The following PIGN variants were observed in gnomAD, a reference collection of about 807,000 sequenced individuals.
The protein encoded by PIGN is phosphatidylinositol glycan anchor biosynthesis class N.
PIGN carries 117 observed loss-of-function variants against 125.4 expected under a neutral mutation model. That is an observed-to-expected ratio of 0.93 (90% confidence interval 0.80 to 1.09). The LOEUF (loss-of-function observed/expected upper bound fraction) is 1.09. Among genes scored for constraint, PIGN ranks in the 50% least tolerant of loss-of-function variants. PIGN has a pLI of 0.00. For missense variants in PIGN, 1,075 were observed against 1,094.9 expected, an observed-to-expected ratio of 0.98 and a Z score of 0.26; for synonymous variants, 392 against 377.8, an observed-to-expected ratio of 1.04 and a Z score of -0.44.
At chr18:62,151,817 C>T (rs987667126) in intron 7 of PIGN, among the ~76,000 whole-genome samples, 4 of 152,128 alleles carry the variant, frequency 2.6e-5, no homozygotes, top group South Asian at 2.1e-4. Context: ...GATTTGTTGC[C>T]GGTAATTCAG....
chr18:62,064,089 A>T (rs1048810956), intron 30 of PIGN, among the ~76,000 whole-genome samples: 60 of 152,308 alleles, frequency 3.9e-4, no homozygotes, highest in African/African-American at 1.3e-3. Context: ...AAACAAACAA[A>T]AAAAGAAATT....
At chr18:62,112,806 G>C in intron 16 of PIGN, 1 of 316,322 alleles carries the variant, frequency 3.2e-6, no homozygotes, top group Non-Finnish European at 5.7e-6. Flanking sequence ...CTGACCAGTT[G>C]TACTAGAAAG....
At chr18:62,161,059 GTA>G (rs1260611688) in intron 4 of PIGN, 72 bp downstream of exon 4, 1 of 923,652 alleles carries the variant, frequency 1.1e-6, no homozygotes, top group African/African-American at 1.6e-5. Flanking sequence ...ATGATAAATA[GTA>G]AGATATTTTG....
At chr18:62,103,677 G>A (rs1217710060) in intron 20 of PIGN, 1 of 152,154 alleles carries the variant, frequency 6.6e-6, no homozygotes, top group Non-Finnish European at 1.5e-5. Flanking sequence ...AAAGGAATTG[G>A]TTGAAGAGAA....
chr18:62,131,161 A>G (rs2035722304), intron 14 of PIGN, among the ~76,000 whole-genome samples: 1 of 152,180 alleles, frequency 6.6e-6, no homozygotes, highest in African/African-American at 2.4e-5. Flanking sequence ...AACAAATTTT[A>G]TAAGAGAAAC....
intron 29 of PIGN, 30 bp from the exon 30 acceptor site, chr18:62,072,755 A>C: frequency 6.6e-7 from 1 of 1,513,546 alleles, no homozygotes; most frequent in Non-Finnish European, 9.0e-7. Flanking sequence ...CTTAATGAAA[A>C]ACAAAGCTAT....
chr18:62,111,201 T>C (rs925496293), intron 16 of PIGN, among the ~76,000 whole-genome samples: 1 of 152,044 alleles, frequency 6.6e-6, no homozygotes. Context: ...AATCCCTCCA[T>C]CTATATTATG....
At chr18:62,047,179 T>TAGGC (rs1354727966) in intron 30 of PIGN, among the ~76,000 whole-genome samples, 3 of 152,372 alleles carry the variant, frequency 2.0e-5, no homozygotes, top group Non-Finnish European at 2.9e-5. Flanking sequence ...TATTCCAGCA[T>TAGGC]AGGCTGAGTG....
intron 22 of PIGN, 84 bp downstream of exon 22, chr18:62,100,991 A>T: frequency 9.4e-6 from 7 of 740,788 alleles, no homozygotes; most frequent in Admixed American, 2.3e-5. Context: ...TTCTTTCAAT[A>T]ACAATGATAC....
chr18:62,162,310 T>G lies in PIGN; in HGVS notation c.-90A>C, dbSNP rs935644427. 2 of 152,088 alleles carry G rather than the reference T, an allele frequency of 1.3e-5. No individual in the cohort carries two copies. The highest frequency in any genetic ancestry group is 4.8e-5 in the African/African-American group (2 of 41,424). The allele number at this position is 152,088 out of a possible 1,614,324, so 9.4% of individuals were successfully genotyped here. On this transcript the variant is annotated 5_prime_UTR_variant, in exon 3 of 31. Transcript: ENST00000640252. The stretch of plus-strand genomic sequence containing the variant: ...AGTACTTTCCAAGCCAGTGTGTAAT[T>G]TGCTATTGTTGGTGAATCTCTGCAG...
intron 21 of PIGN, among the ~76,000 whole-genome samples, chr18:62,101,981 A>G (rs912766900): frequency 1.8e-4 from 27 of 151,980 alleles, no homozygotes; most frequent in Non-Finnish European, 4.4e-5. Context: ...TAATCCCAGG[A>G]CTTTGGGAGG....
chr18:62,071,868 A>ATATATATATATATATG (rs1568142151), intron 30 of PIGN, among the ~76,000 whole-genome samples: 23 of 6,894 alleles, frequency 3.3e-3, no homozygotes, highest in African/African-American at 0.015. Flanking sequence ...TTTTCCATAT[A>ATATATATATATATATG]TATATATATA....
intron 30 of PIGN, among the ~76,000 whole-genome samples, chr18:62,050,536 T>C (rs1316284976): frequency 6.6e-6 from 1 of 150,974 alleles, no homozygotes; most frequent in Non-Finnish European, 1.5e-5. Context: ...CTTGTGATTT[T>C]TGTACATTGA....
At chr18:62,116,374 G>C (rs1453925881) in intron 14 of PIGN, among the ~76,000 whole-genome samples, 2 of 152,066 alleles carry the variant, frequency 1.3e-5, no homozygotes, top group Non-Finnish European at 2.9e-5. Flanking sequence ...CAATTGATAT[G>C]GGCATCTCAC....
At chr18:62,092,582 T>C (rs1250479752) in intron 23 of PIGN, among the ~76,000 whole-genome samples, 13 of 151,714 alleles carry the variant, frequency 8.6e-5, no homozygotes, top group Non-Finnish European at 1.9e-4. Flanking sequence ...AAGAGCCACC[T>C]AGAAAATGCT....
chr18:62,179,580 C>A (rs1000972507), intron 1 of PIGN, among the ~76,000 whole-genome samples: 1 of 151,968 alleles, frequency 6.6e-6, no homozygotes, highest in Admixed American at 6.6e-5. Flanking sequence ...CCCATCTCTA[C>A]AAAAAATGCA....
intron 30 of PIGN, among the ~76,000 whole-genome samples, chr18:62,047,569 G>C (rs759018806): frequency 6.6e-6 from 1 of 152,158 alleles, no homozygotes; most frequent in Admixed American, 6.5e-5. Context: ...GCAGGGTGCC[G>C]TAACGCTGGT....
intron 30 of PIGN, among the ~76,000 whole-genome samples, chr18:62,060,705 A>T (rs2032070232): frequency 6.6e-6 from 1 of 152,250 alleles, no homozygotes; most frequent in African/African-American, 2.4e-5. Context: ...GTCCAAATGA[A>T]GACTGCCATC....
intron 22 of PIGN, among the ~76,000 whole-genome samples, chr18:62,098,616 A>T (rs2034307868): frequency 6.6e-6 from 1 of 152,190 alleles, no homozygotes; most frequent in Non-Finnish European, 1.5e-5. Flanking sequence ...CCATTTGGAG[A>T]TCATAGCATA....
Sources: gnomAD v4.1 joint callset for allele counts (sites outside exome capture counted in the v4.1 genomes callset) on GRCh38, gnomAD v4.1.1 for gene constraint, MANE v1.5 for transcripts, NCBI Gene and HGNC (gene_info 2026-07-23, HGNC 2026-07-21) for gene names.